SCAPER: variants seen among roughly 807,000 people sequenced by gnomAD.
The protein encoded by SCAPER is S phase cyclin A-associated protein in the endoplasmic reticulum.
A neutral mutation model predicts 182.2 loss-of-function variants in SCAPER; 98 were observed. That is an observed-to-expected ratio of 0.54 (90% CI 0.46 to 0.64). SCAPER has a LOEUF of 0.64. Ranked by LOEUF, SCAPER falls within the 30% of genes least tolerant of loss-of-function variation. SCAPER has a pLI of 0.00. For missense variants in SCAPER, 1,432 were observed against 1,690.0 expected, an observed-to-expected ratio of 0.85 and a Z score of 2.68; for synonymous variants, 605 against 564.6, an observed-to-expected ratio of 1.07 and a Z score of -1.01.
intron 8 of SCAPER, among the ~76,000 whole-genome samples, chr15:76,789,115 T>C (rs185829550): frequency 9.2e-5 from 14 of 152,304 alleles, no homozygotes; most frequent in African/African-American, 3.4e-4. Context: ...ATTATGAAAC[T>C]GAAAAATAAT....
chr15:76,807,233 C>A (rs954077159), intron 5 of SCAPER, among the ~76,000 whole-genome samples: 2 of 152,138 alleles, frequency 1.3e-5, no homozygotes, highest in African/African-American at 2.4e-5. Flanking sequence ...AAGGAATTTC[C>A]CTATTGAATG....
chr15:76,683,077 T>C (rs996816626), intron 20 of SCAPER, among the ~76,000 whole-genome samples: 7 of 151,996 alleles, frequency 4.6e-5, no homozygotes, highest in Admixed American at 2.6e-4. Flanking sequence ...ATGACAGACA[T>C]AGAATTCAGA....
intron 15 of SCAPER, among the ~76,000 whole-genome samples, chr15:76,747,015 T>C (rs911277425): frequency 5.3e-5 from 8 of 152,166 alleles, no homozygotes; most frequent in African/African-American, 1.7e-4. Context: ...AAACCTCAAT[T>C]CACATGGAAT....
intron 25 of SCAPER, among the ~76,000 whole-genome samples, chr15:76,450,105 C>G (rs1337125723): frequency 6.6e-6 from 1 of 152,210 alleles, no homozygotes; most frequent in Non-Finnish European, 1.5e-5. Flanking sequence ...GGATCTGAAT[C>G]TGCTAACCCC....
Position 76,348,694 on chromosome 15 carries a change from C to G in SCAPER, c.4142G>C (p.Arg1381Thr). ...TTCTTCCCAGGCCTGCTGAGGAAAT[C>G]TGTTAGCCAGCTCAAGATAGTCTTG... ...GSQDYLELAN[R>T]FPQQAWEEAR... Residue 1381 changes from arginine (R) to threonine (T), a missense_variant, in exon 32 of 32, where the codon AGA becomes ACA. By Grantham distance (71) the Arg-to-Thr change is moderately conservative. Coordinates refer to ENST00000563290, the MANE Select transcript of SCAPER (RefSeq NM_020843.4). The G allele has an allele frequency of 6.4e-7, 1 of 1,558,398 alleles. No homozygotes were observed.
intron 28 of SCAPER, among the ~76,000 whole-genome samples, chr15:76,378,974 A>G (rs2042752464): frequency 6.6e-6 from 1 of 152,214 alleles, no homozygotes; most frequent in Non-Finnish European, 1.5e-5. Context: ...ATCATGGAGC[A>G]GAGACAAACC....
intron 1 of SCAPER, among the ~76,000 whole-genome samples, chr15:76,889,201 C>T (rs376623257): frequency 5.5e-4 from 84 of 152,252 alleles, no homozygotes; most frequent in East Asian, 4.8e-3. Context: ...AAAGAACAAC[C>T]GGTACCAGAC....
Position 76,433,060 on chromosome 15 carries a change from G to T in SCAPER, c.3311+1018C>A, listed in dbSNP as rs891726970. 3.9e-5 allele frequency among the ~76,000 whole-genome samples: 6 copies of T among 152,212 alleles called. No individual in the cohort carries two copies. The South Asian group carries it at 1.2e-3, about 32-fold the overall frequency. On this transcript the variant is annotated intron_variant, in intron 26 of 31. Transcript: ENST00000563290. The stretch of plus-strand genomic sequence containing the variant: ...ATACTATAATGGGTACTCTATAAAT[G>T]GTAGCTATTATTGTTGTTTTAAGTC...
At chr15:76,630,346 G>C (rs746751242) in intron 21 of SCAPER, among the ~76,000 whole-genome samples, 9 of 151,918 alleles carry the variant, frequency 5.9e-5, no homozygotes, top group Non-Finnish European at 5.9e-5. Context: ...CCTAGCTTTG[G>C]GGTTTGTTTG....
chr15:76,721,654 G>A (rs1186664513), intron 17 of SCAPER, among the ~76,000 whole-genome samples: 2 of 151,754 alleles, frequency 1.3e-5, no homozygotes, highest in African/African-American at 2.4e-5. Context: ...CCCTTGTAAG[G>A]TGGATTCCTA....
intron 17 of SCAPER, among the ~76,000 whole-genome samples, chr15:76,725,603 C>G (rs1156690852): frequency 3.3e-5 from 5 of 152,040 alleles, no homozygotes; most frequent in Non-Finnish European, 7.4e-5. Context: ...TACTACAAAA[C>G]TACAGTAATC....
chr15:76,814,117 G>A (rs984428735), intron 5 of SCAPER, among the ~76,000 whole-genome samples: 4 of 152,052 alleles, frequency 2.6e-5, no homozygotes, highest in South Asian at 2.1e-4. Flanking sequence ...GCTGTGAGCC[G>A]AGATTACGCC....
chr15:76,701,934 G>T, intron 19 of SCAPER, 69 bp from the exon 20 acceptor site: 1 of 1,065,986 alleles, frequency 9.4e-7, no homozygotes, highest in Non-Finnish European at 1.4e-6. Flanking sequence ...TACACATTCA[G>T]TCCAGTATAT....
intron 23 of SCAPER, among the ~76,000 whole-genome samples, chr15:76,513,179 G>A (rs1161464795): frequency 1.5e-4 from 23 of 152,190 alleles, no homozygotes; most frequent in Admixed American, 1.5e-3. Flanking sequence ...TCCTGGCACA[G>A]AGCAGGAATG....
intron 21 of SCAPER, among the ~76,000 whole-genome samples, chr15:76,642,437 A>C (rs1334183750): frequency 1.3e-5 from 2 of 152,200 alleles, no homozygotes; most frequent in Non-Finnish European, 2.9e-5. Flanking sequence ...TTATTCTTCA[A>C]TTTAATTTTT....
chr15:76,904,510 C>G (rs1397497489), intron 1 of SCAPER: 4 of 152,246 alleles, frequency 2.6e-5, no homozygotes, highest in African/African-American at 9.6e-5. Flanking sequence ...GGCCTCATCT[C>G]AGCTGGGGCC....
At chr15:76,685,932 G>A (rs909030485) in intron 20 of SCAPER, among the ~76,000 whole-genome samples, 2 of 151,878 alleles carry the variant, frequency 1.3e-5, no homozygotes, top group Non-Finnish European at 2.9e-5. Context: ...AATTCTAAGT[G>A]GATTGAAGAT....
chr15:76,660,098 G>C (rs2056007543), intron 21 of SCAPER, among the ~76,000 whole-genome samples: 1 of 152,204 alleles, frequency 6.6e-6, no homozygotes, highest in Non-Finnish European at 1.5e-5. Context: ...CAGCAATATG[G>C]ATGAAGCTGG....
chr15:76,410,424 T>C (rs2045205696), intron 26 of SCAPER, among the ~76,000 whole-genome samples: 1 of 152,210 alleles, frequency 6.6e-6, no homozygotes, highest in Admixed American at 6.5e-5. Flanking sequence ...ATGTTCAAAG[T>C]ATTACTACTA....
Sources: gnomAD v4.1 joint callset for allele counts (sites outside exome capture counted in the v4.1 genomes callset) on GRCh38, gnomAD v4.1.1 for gene constraint, MANE v1.5 for transcripts, NCBI Gene and HGNC (gene_info 2026-07-23, HGNC 2026-07-21) for gene names.